Variants in ASIC2 observed in about 807,000 individuals in gnomAD.
The protein encoded by ASIC2 is acid sensing ion channel subunit 2.
In ASIC2, 25 loss-of-function variants were observed where a neutral mutation model predicts 57.3. That is an observed-to-expected ratio of 0.44 (90% confidence interval 0.32 to 0.61). The LOEUF (loss-of-function observed/expected upper bound fraction) is 0.61. Ranked by LOEUF, ASIC2 falls within the 20% of genes least tolerant of loss-of-function variation. The pLI is 0.06. For synonymous variants in ASIC2, 319 were observed against 307.5 expected (o/e 1.04, Z -0.39); for missense variants, 641 against 738.1 (o/e 0.87, Z 1.52).
At chr17:34,111,021 C>T (rs1193698175) in intron 1 of ASIC2, among the ~76,000 whole-genome samples, 2 of 151,930 alleles carry the variant, frequency 1.3e-5, no homozygotes, top group Admixed American at 1.3e-4. Flanking sequence ...GTCAGGAGTT[C>T]GAAACCAGCC....
rs1396060926 is a variant in ASIC2 at position 33,611,729 on chromosome 17, CT to C, written c.556-499663del. 5.9e-5 allele frequency among the ~76,000 whole-genome samples: 9 copies of C among 152,236 alleles called. 1 individual carries two copies. Among genetic ancestry groups the C allele is most frequent in the Non-Finnish European group, 1.3e-4 (9 of 68,046 alleles). On this transcript the variant is annotated intron_variant, in intron 1 of 9. Coordinates refer to the ASIC2 transcript ENST00000359872. ...GATTGTGCAAGCACATGCAAAACCTCTGCTCACATAGCATCCACTAAAATCC... is the reference window on the plus strand; with the variant it reads ...GATTGTGCAAGCACATGCAAAACCTCGCTCACATAGCATCCACTAAAATCC...
intron 1 of ASIC2, among the ~76,000 whole-genome samples, chr17:33,374,037 C>A (rs1248888060): frequency 6.6e-6 from 1 of 151,938 alleles, no homozygotes; most frequent in Non-Finnish European, 1.5e-5. Flanking sequence ...CTCTTGCGGC[C>A]CAGGCTGCAG....
intron 1 of ASIC2, among the ~76,000 whole-genome samples, chr17:33,444,589 G>A (rs1015311412): frequency 6.6e-6 from 1 of 152,226 alleles, no homozygotes; most frequent in Non-Finnish European, 1.5e-5. Context: ...CCCCCGGTTG[G>A]GATTTCCAGT....
At chr17:34,127,333 T>G (rs1911817677) in intron 1 of ASIC2, among the ~76,000 whole-genome samples, 1 of 152,150 alleles carries the variant, frequency 6.6e-6, no homozygotes, top group Admixed American at 6.5e-5. Flanking sequence ...TGCTGATCTC[T>G]CCTTAGCTTC....
At chr17:33,452,579 C>T (rs1201490079) in intron 1 of ASIC2, among the ~76,000 whole-genome samples, 3 of 152,106 alleles carry the variant, frequency 2.0e-5, no homozygotes, top group Non-Finnish European at 2.9e-5. Flanking sequence ...CCTGGGCCCA[C>T]GACATAGTCT....
chr17:33,923,095 C>T (rs994981590), intron 1 of ASIC2, among the ~76,000 whole-genome samples: 2 of 152,164 alleles, frequency 1.3e-5, no homozygotes, highest in African/African-American at 4.8e-5. Flanking sequence ...GCACATGGAA[C>T]CTGCGGGATT....
chr17:33,088,463 T>C (rs975690791), intron 3 of ASIC2, among the ~76,000 whole-genome samples: 5 of 152,132 alleles, frequency 3.3e-5, no homozygotes, highest in Admixed American at 1.3e-4. Context: ...GAGGGACGCC[T>C]CCACCCCTTT....
At chr17:33,665,951 G>A (rs955718848) in intron 1 of ASIC2, among the ~76,000 whole-genome samples, 1 of 152,122 alleles carries the variant, frequency 6.6e-6, no homozygotes, top group African/African-American at 2.4e-5. Flanking sequence ...GTGCGACTAT[G>A]TATTTCTTGG....
At chr17:34,032,580 G>C (rs1907665170) in intron 1 of ASIC2, among the ~76,000 whole-genome samples, 1 of 151,590 alleles carries the variant, frequency 6.6e-6, no homozygotes, top group Non-Finnish European at 1.5e-5. Flanking sequence ...ATTGGATAAA[G>C]AGTCAAGACC....
chr17:33,508,639 G>T (rs1226226178), intron 1 of ASIC2, among the ~76,000 whole-genome samples: 1 of 152,186 alleles, frequency 6.6e-6, no homozygotes, highest in African/African-American at 2.4e-5. Flanking sequence ...GAAGTCAGGT[G>T]GGGTACACAG....
chr17:33,363,138 AG>A lies in ASIC2; in HGVS notation c.556-251072del, dbSNP rs200340834. ...TCAACTCTTAAGTGTACCAATAATGAGGGGGGAAGAAAAGAGGTCACTAGTA... is the reference window on the plus strand; with the variant it reads ...TCAACTCTTAAGTGTACCAATAATGAGGGGGAAGAAAAGAGGTCACTAGTA... On this transcript the variant is annotated intron_variant, in intron 1 of 9. Coordinates refer to the ASIC2 transcript ENST00000359872. 9.2e-3 allele frequency among the ~76,000 whole-genome samples: 1,399 copies of A among 152,188 alleles called. 26 individuals are homozygous for A. The highest frequency in any genetic ancestry group is 0.032 in the African/African-American group (1,330 of 41,536).
At chr17:33,278,580 C>A (rs994504661) in intron 1 of ASIC2, among the ~76,000 whole-genome samples, 1 of 152,064 alleles carries the variant, frequency 6.6e-6, no homozygotes, top group African/African-American at 2.4e-5. Context: ...TCAGCCCTTC[C>A]CATCGTTCTG....
chr17:33,806,326 G>T (rs1259961017), intron 1 of ASIC2, among the ~76,000 whole-genome samples: 1 of 152,176 alleles, frequency 6.6e-6, no homozygotes, highest in South Asian at 2.1e-4. Context: ...TTTGAATTTT[G>T]TATAATTTTC....
At chr17:33,742,813 G>A (rs1910149797) in intron 1 of ASIC2, among the ~76,000 whole-genome samples, 4 of 152,152 alleles carry the variant, frequency 2.6e-5, no homozygotes, top group Non-Finnish European at 2.9e-5. Flanking sequence ...ACTGCCTCAC[G>A]TCCCTGGCAC....
intron 1 of ASIC2, among the ~76,000 whole-genome samples, chr17:34,000,441 T>C (rs1319354674): frequency 6.6e-6 from 1 of 152,164 alleles, no homozygotes; most frequent in African/African-American, 2.4e-5. Context: ...TTAGTAGAGA[T>C]GGGGTTTCTC....
chr17:33,203,652 T>C (rs989553080), intron 1 of ASIC2, among the ~76,000 whole-genome samples: 2 of 152,086 alleles, frequency 1.3e-5, no homozygotes, highest in Non-Finnish European at 2.9e-5. Flanking sequence ...GGGTTGGCAA[T>C]GTTATTAAGG....
intron 1 of ASIC2, among the ~76,000 whole-genome samples, chr17:33,358,421 T>G (rs1489311997): frequency 6.6e-6 from 1 of 152,196 alleles, no homozygotes; most frequent in East Asian, 1.9e-4. Context: ...CATCATGACC[T>G]ATGGATTTAG....
chr17:33,165,363 G>T (rs555114790), intron 1 of ASIC2, among the ~76,000 whole-genome samples: 1 of 152,332 alleles, frequency 6.6e-6, no homozygotes, highest in East Asian at 1.9e-4. Context: ...GTGCCTCAAT[G>T]CTTATAAGAG....
intron 1 of ASIC2, among the ~76,000 whole-genome samples, chr17:34,036,231 A>G (rs929170741): frequency 3.9e-5 from 6 of 152,032 alleles, no homozygotes; most frequent in African/African-American, 1.4e-4. Flanking sequence ...AGGGACATCA[A>G]TGAAACTGGA....
Sources: allele counts gnomAD v4.1 joint callset (sites outside exome capture counted in the v4.1 genomes callset), GRCh38; gene constraint gnomAD v4.1.1; transcripts MANE v1.5; gene names NCBI Gene and HGNC (gene_info 2026-07-23, HGNC 2026-07-21).